The following CADM3 variants were observed in gnomAD, a reference collection of about 807,000 sequenced individuals.
The protein encoded by CADM3 is cell adhesion molecule 3.
A neutral mutation model predicts 44.9 loss-of-function variants in CADM3; 11 were observed. That is an observed-to-expected ratio of 0.25 (90% confidence interval 0.15 to 0.41). The LOEUF is 0.41. Among genes scored for constraint, CADM3 ranks in the 10% least tolerant of loss-of-function variants. CADM3 has a pLI of 1.00. For missense variants in CADM3, 426 were observed against 512.0 expected (o/e 0.83, Z 1.62); for synonymous variants, 207 against 205.2 (o/e 1.01, Z -0.08).
At chr1:159,198,392 TGAGA>T (rs1317802225) in intron 7 of CADM3, among the ~76,000 whole-genome samples, 2 of 152,066 alleles carry the variant, frequency 1.3e-5, no homozygotes, top group Admixed American at 6.5e-5. Context: ...GCATACTCCC[TGAGA>T]GAGAGACAGC....
rs2102148929 is a variant in CADM3 at position 159,203,157 on chromosome 1, T to G, written c.*2235T>G. On this transcript the variant is annotated 3_prime_UTR_variant, in exon 9 of 9. Transcript: ENST00000368125. Reference sequence around the variant, plus strand: ...TTATCCGTGTCATTCAGCTGCCTCCTTTCTGGTCCTCTTGCTGCTGCTGGG... The same window carrying G: ...TTATCCGTGTCATTCAGCTGCCTCCGTTCTGGTCCTCTTGCTGCTGCTGGG... 6.5e-6 allele frequency: 1 copy of G among 152,794 alleles called. No homozygotes were observed. The highest frequency in any genetic ancestry group is 1.5e-5 in the Non-Finnish European group (1 of 68,278). The allele number at this position is 152,794 out of a possible 1,614,324, so 9.5% of individuals were successfully genotyped here.
At chr1:159,191,870 T>C (rs901100398) in intron 1 of CADM3, 66 bp from the exon 2 acceptor site, 3 of 1,599,452 alleles carry the variant, frequency 1.9e-6, no homozygotes, top group Non-Finnish European at 2.6e-6. Flanking sequence ...TGAGGTGTAC[T>C]TTGGCTCAGA....
At chr1:159,200,464 C>T (rs765716485) in intron 8 of CADM3, among the ~76,000 whole-genome samples, 4 of 152,074 alleles carry the variant, frequency 2.6e-5, no homozygotes, top group Non-Finnish European at 5.9e-5. Context: ...GCAGATCCCC[C>T]GTCACCAAGT....
rs1017755512 is a variant in CADM3 at position 159,201,814 on chromosome 1, CT to C, written c.*893del. On this transcript the variant is annotated 3_prime_UTR_variant, in exon 9 of 9. Transcript: ENST00000368125. ...GCCTGAACTGCCTCTGCTTCCCCCC[CT>C]GAGGGGCCCCTCACTCTTACCCAAG... is the stretch of plus-strand genomic sequence containing the variant. 7.2e-5 allele frequency: 11 copies of C among 152,854 alleles called. No homozygotes were observed. The East Asian group carries it at 9.7e-4, about 13-fold the overall frequency. The allele number at this position is 152,854 out of a possible 1,614,324, so 9.5% of individuals were successfully genotyped here. A position where few individuals can be genotyped will look rare whatever the true frequency, so the allele number is the denominator to read the frequency against.
chr1:159,190,955 A>G (rs1230370063), intron 1 of CADM3, among the ~76,000 whole-genome samples: 1 of 152,216 alleles, frequency 6.6e-6, no homozygotes, highest in Non-Finnish European at 1.5e-5. Context: ...GGTGGGGATC[A>G]GTGCTACTGA....
chr1:159,194,169 C>A, intron 5 of CADM3, 129 bp downstream of exon 5: 1 of 1,014,764 alleles, frequency 9.9e-7, no homozygotes, highest in Non-Finnish European at 1.4e-6. Context: ...GAAACAAAGA[C>A]TGCCAGGACT....
chr1:159,189,522 A>G (rs1021050418), intron 1 of CADM3, among the ~76,000 whole-genome samples: 2 of 152,316 alleles, frequency 1.3e-5, no homozygotes, highest in Middle Eastern at 6.8e-3. Flanking sequence ...TGGCACTAAC[A>G]TTCTATGACT....
intron 1 of CADM3, among the ~76,000 whole-genome samples, chr1:159,174,829 C>T (rs3026957): frequency 0.013 from 1,935 of 152,324 alleles, 131 homozygotes; most frequent in Admixed American, 0.12. Flanking sequence ...CTCTGGTGAG[C>T]AGCTCAATAT....
intron 1 of CADM3, among the ~76,000 whole-genome samples, chr1:159,175,936 C>G (rs1649001253): frequency 6.6e-6 from 1 of 152,182 alleles, no homozygotes; most frequent in Non-Finnish European, 1.5e-5. Context: ...CTTGATGTTA[C>G]TACTTTCTTG....
intron 7 of CADM3, among the ~76,000 whole-genome samples, chr1:159,198,963 G>A (rs769662057): frequency 2.6e-5 from 4 of 152,192 alleles, no homozygotes; most frequent in Non-Finnish European, 5.9e-5. Context: ...GGGTGGCAAA[G>A]TGAAGACGGA....
chr1:159,197,478 A>AT (rs796786933), intron 7 of CADM3: 145 of 162,902 alleles, frequency 8.9e-4, no homozygotes, highest in South Asian at 2.8e-3. Flanking sequence ...AACTGCTGTC[A>AT]TTTTTTTTTC....
chr1:159,176,543 A>G (rs1485937980), intron 1 of CADM3, among the ~76,000 whole-genome samples: 4 of 152,240 alleles, frequency 2.6e-5, no homozygotes, highest in African/African-American at 9.6e-5. Context: ...AAGAAGAACA[A>G]GTTTCCAGGG....
In CADM3 at chr1:159,196,345, AC is replaced by A; in HGVS notation, c.692-17del. 1 of 1,606,320 alleles carries A rather than the reference AC, an allele frequency of 6.2e-7. No homozygotes were observed. The highest frequency in any genetic ancestry group is 8.5e-7 in the Non-Finnish European group (1 of 1,172,964). ...GCCGTGTGGGGAGGTATTCATTGATACCATTTCCTTCTCCACAGACACACCA... is the reference window on the plus strand; with the variant it reads ...GCCGTGTGGGGAGGTATTCATTGATACATTTCCTTCTCCACAGACACACCA... On this transcript the variant is annotated intron_variant, in intron 5 of 8. Coordinates refer to ENST00000368125, the MANE Select transcript of CADM3 (RefSeq NM_001127173.3).
intron 1 of CADM3, among the ~76,000 whole-genome samples, chr1:159,182,015 C>T (rs762440665): frequency 3.3e-5 from 5 of 152,004 alleles, no homozygotes; most frequent in Admixed American, 3.3e-4. Flanking sequence ...GTTAGCATTC[C>T]CTCAGCTCTT....
chr1:159,179,890 T>A (rs907253697), intron 1 of CADM3, among the ~76,000 whole-genome samples: 1 of 151,090 alleles, frequency 6.6e-6, no homozygotes, highest in Admixed American at 6.6e-5. Flanking sequence ...AAGGATGAGA[T>A]CTTTCCAAAT....
intron 8 of CADM3, among the ~76,000 whole-genome samples, chr1:159,200,518 GCACACACACA>G (rs56164429): frequency 0.17 from 25,335 of 150,908 alleles, 2,415 homozygotes; most frequent in African/African-American, 0.27. Context: ...ATGCGTGCAA[GCACACACACA>G]CACACACACA....
chr1:159,201,978 A>T lies in CADM3; in HGVS notation c.*1056A>T, dbSNP rs1330089719. The T allele has an allele frequency of 6.5e-6, 1 of 153,096 alleles. No homozygotes were observed. The highest frequency in any genetic ancestry group is 1.5e-5 in the Non-Finnish European group (1 of 68,196). The allele number at this position is 153,096 out of a possible 1,614,324, so 9.5% of individuals were successfully genotyped here. ...TTCCTCCCTCAGCAGCCAGGCAGAC[A>T]TAACAACAAAACTACTAAAAGGAGC... On this transcript the variant is annotated 3_prime_UTR_variant, in exon 9 of 9. Transcript: ENST00000368125.
At chr1:159,200,511 C>T (rs1029734233) in intron 8 of CADM3, among the ~76,000 whole-genome samples, 4 of 106,060 alleles carry the variant, frequency 3.8e-5, no homozygotes, top group Admixed American at 9.9e-5. Flanking sequence ...CACACGCATG[C>T]GTGCAAGCAC....
rs754489944 is a variant in CADM3, at chr1:159,197,055, T to G, written c.947T>G (p.Val316Gly). 6.2e-7 allele frequency: 1 copy of G among 1,613,950 alleles called. No individual in the cohort carries two copies. Among genetic ancestry groups the G allele is most frequent in the South Asian group, 1.1e-5 (1 of 91,068 alleles). Residue 316 changes from valine to glycine, a missense_variant, in exon 7 of 9, where the codon GTT becomes GGT. Coordinates refer to ENST00000368125, the MANE Select transcript of CADM3 (RefSeq NM_001127173.3). ...GSYKAYYTLN[V>G]NDPSPVPSSS... Reference sequence around the variant, plus strand: ...TACAAGGCCTACTACACCCTCAATGTTAATGGTAAGCCCTCCTCAGTTCTC... The same window carrying G: ...TACAAGGCCTACTACACCCTCAATGGTAATGGTAAGCCCTCCTCAGTTCTC...
Sources: allele counts gnomAD v4.1 joint callset (sites outside exome capture counted in the v4.1 genomes callset), GRCh38; gene constraint gnomAD v4.1.1; transcripts MANE v1.5; gene names NCBI Gene and HGNC (gene_info 2026-07-23, HGNC 2026-07-21).